Variants in PHC3 observed in about 807,000 individuals in gnomAD.
PHC3 encodes polyhomeotic-like protein 3.
PHC3 carries 13 observed loss-of-function variants against 107.4 expected under a neutral mutation model. The observed-to-expected ratio is 0.12, with a 90% confidence interval of 0.08 to 0.19. The LOEUF (loss-of-function observed/expected upper bound fraction) is 0.19, where lower values mean the gene tolerates loss of function less well. PHC3 is among the 10% of genes least tolerant of loss of function. The pLI, the probability that PHC3 is intolerant of heterozygous loss-of-function variation, is 1.00. For synonymous variants in PHC3, 456 were observed against 427.4 expected, an observed-to-expected ratio of 1.07 and a Z score of -0.83; for missense variants, 992 against 1,210.9, an observed-to-expected ratio of 0.82 and a Z score of 2.68.
At chr3:170,154,155 A>G (rs1418280024) in intron 4 of PHC3, among the ~76,000 whole-genome samples, 1 of 152,216 alleles carries the variant, frequency 6.6e-6, no homozygotes, top group African/African-American at 2.4e-5. Flanking sequence ...GGTGGGGGCC[A>G]TGTGTTATTC....
At chr3:170,119,673 G>C (rs1186513499) in intron 9 of PHC3, among the ~76,000 whole-genome samples, 1 of 152,144 alleles carries the variant, frequency 6.6e-6, no homozygotes, top group African/African-American at 2.4e-5. Flanking sequence ...TCTATTCTCA[G>C]TATCATTTAC....
chr3:170,172,552 C>T lies in PHC3; in HGVS notation c.336+5G>A, dbSNP rs776936523. 5.3e-5 allele frequency: 85 copies of T among 1,608,726 alleles called. No individual in the cohort carries two copies. Among genetic ancestry groups the T allele is most frequent in the Non-Finnish European group, 6.9e-5 (81 of 1,178,704 alleles). On this transcript the variant is annotated splice_donor_5th_base_variant and intron_variant, in intron 3 of 14. Transcript: ENST00000495893. ...TGATCTCATAAACTCTTATTTTAGT[C>T]TTACCTGAACAGCAGCAAGGCTCTG...
At chr3:170,140,757 C>A (rs1057292725) in intron 6 of PHC3, among the ~76,000 whole-genome samples, 1 of 151,362 alleles carries the variant, frequency 6.6e-6, no homozygotes, top group Non-Finnish European at 1.5e-5. Flanking sequence ...ACCACCACAC[C>A]TAGCTAATTT....
intron 6 of PHC3, among the ~76,000 whole-genome samples, chr3:170,139,506 A>C (rs955007919): frequency 6.6e-6 from 1 of 152,254 alleles, no homozygotes; most frequent in African/African-American, 2.4e-5. Context: ...AAGTATATTC[A>C]CAGTAAACAA....
At chr3:170,144,494 A>T (rs1724642696) in intron 6 of PHC3, among the ~76,000 whole-genome samples, 1 of 152,180 alleles carries the variant, frequency 6.6e-6, no homozygotes, top group Admixed American at 6.5e-5. Context: ...CAGGGTAAAC[A>T]TAAGGAGTAG....
At chr3:170,118,570 C>T (rs1296395706) in intron 9 of PHC3, among the ~76,000 whole-genome samples, 1 of 152,106 alleles carries the variant, frequency 6.6e-6, no homozygotes, top group Non-Finnish European at 1.5e-5. Context: ...CACCACCATG[C>T]CTGGATAATT....
chr3:170,142,567 T>A (rs1724283820), intron 6 of PHC3, among the ~76,000 whole-genome samples: 1 of 152,170 alleles, frequency 6.6e-6, no homozygotes, highest in Non-Finnish European at 1.5e-5. Context: ...ATTAGAGATG[T>A]TTGGCAACTT....
At chr3:170,117,192 T>C in intron 10 of PHC3, 34 bp downstream of exon 10, 2 of 1,612,982 alleles carry the variant, frequency 1.2e-6, no homozygotes, top group Admixed American at 1.7e-5. Context: ...TTATATAAAT[T>C]ACAAACACAC....
chr3:170,139,255 T>C (rs570113786), intron 6 of PHC3, among the ~76,000 whole-genome samples: 85 of 152,326 alleles, frequency 5.6e-4, no homozygotes, highest in African/African-American at 1.9e-3. Context: ...TTTTGAAATA[T>C]ATATTACATG....
At chr3:170,134,954 G>A (rs752110327) in intron 7 of PHC3, among the ~76,000 whole-genome samples, 12 of 152,146 alleles carry the variant, frequency 7.9e-5, no homozygotes, top group Non-Finnish European at 1.8e-4. Context: ...CCACAGTATT[G>A]AGATTCAGTG....
At position 170,178,764 on chromosome 3, in the gene PHC3, C is replaced by G. The variant is rs1009704410; in HGVS notation, c.180+9G>C. 2 of 1,613,598 alleles carry G rather than the reference C, an allele frequency of 1.2e-6. No homozygotes were observed. The highest frequency in any genetic ancestry group is 3.3e-5 in the Admixed American group (2 of 60,026). On this transcript the variant is annotated intron_variant, in intron 2 of 14. Transcript: ENST00000495893. ...AGTCTTAGACTACCCATCACTACAG[C>G]TGAAATACCTGTACAGCATGTCGGT...
At position 170,102,861 on chromosome 3, in the gene PHC3, G is replaced by A; in HGVS notation, c.2542C>T (p.His848Tyr). ...NRKPDNQSLG[H>Y]RGRRPSGPDG... ...GGGCCACTTGGACGACGGCCACGAT[G>A]CCCAAGACTTTGATTATCAGGCTTA... The change falls in exon 13 of 15, where the codon CAT becomes TAT. Residue 848 changes from histidine to tyrosine, a missense_variant. Around this residue, in one of 6 missense-constraint regions of PHC3, gnomAD observed 228 missense variants for 288.8 expected, o/e 0.79. Transcript: ENST00000495893. 4.3e-6 allele frequency: 7 copies of A among 1,613,818 alleles called. No individual in the cohort carries two copies. In the South Asian group the frequency reaches 7.7e-5, roughly 18 times the overall value.
intron 9 of PHC3, among the ~76,000 whole-genome samples, 164 bp from the exon 10 acceptor site, chr3:170,117,640 A>T (rs1468958198): frequency 1.3e-5 from 2 of 152,208 alleles, no homozygotes; most frequent in Admixed American, 6.5e-5. Context: ...TAATCTTCTA[A>T]GGTAGAAGCG....
intron 2 of PHC3, among the ~76,000 whole-genome samples, chr3:170,178,572 A>T (rs190401951): frequency 0.01 from 1,593 of 152,330 alleles, 21 homozygotes; most frequent in Non-Finnish European, 0.011. Context: ...CCAGAAATGT[A>T]AGAAATAAGT....
Position 170,145,519 on chromosome 3 carries a change from C to A in PHC3, c.576G>T (p.Leu192=). Residue 192 remains leucine (L), a splice_region_variant and synonymous_variant, in exon 6 of 15, where the codon CTG becomes CTT. Transcript: ENST00000495893. ...QAQMYLRAQM[L]IFTPATTVAA... is the part of the protein sequence containing the mutation. ...CCACAGTGGTAGCGGGTGTGAAAAT[C>A]AGCTGTACAGACAGAAAACCAAAAA... The A allele has an allele frequency of 1.2e-5, 20 of 1,610,152 alleles. No individual in the cohort carries two copies. The highest frequency in any genetic ancestry group is 1.7e-5 in the Non-Finnish European group (20 of 1,177,578).
At chr3:170,141,441 T>TA in intron 6 of PHC3, among the ~76,000 whole-genome samples, 1 of 152,314 alleles carries the variant, frequency 6.6e-6, no homozygotes. Context: ...ACCACTTTTA[T>TA]AAATTATTTT....
chr3:170,133,922 G>A (rs1206494615), intron 7 of PHC3, among the ~76,000 whole-genome samples: 1 of 152,054 alleles, frequency 6.6e-6, no homozygotes, highest in Non-Finnish European at 1.5e-5. Flanking sequence ...TGAAAGTAAC[G>A]TTCTCTTTAG....
intron 1 of PHC3, among the ~76,000 whole-genome samples, chr3:170,181,058 A>G (rs1731319146): frequency 6.6e-6 from 1 of 152,220 alleles, no homozygotes; most frequent in Non-Finnish European, 1.5e-5. Flanking sequence ...ACACACAAGA[A>G]TGTGGCCCGC....
At chr3:170,166,447 C>T (rs961912773) in intron 4 of PHC3, among the ~76,000 whole-genome samples, 2 of 152,144 alleles carry the variant, frequency 1.3e-5, no homozygotes, top group African/African-American at 4.8e-5. Flanking sequence ...TAATGAAAAT[C>T]CAAGTCTCTC....
Sources: gnomAD v4.1 joint callset for allele counts (sites outside exome capture counted in the v4.1 genomes callset) on GRCh38, gnomAD v4.1.1 for gene constraint, gnomAD v4.1.1 regional missense constraint, MANE v1.5 for transcripts, NCBI Gene and HGNC (gene_info 2026-07-23, HGNC 2026-07-21) for gene names.